Variants in BAG1 observed in about 807,000 individuals in gnomAD.
BAG1 encodes BAG family molecular chaperone regulator 1.
Under a neutral mutation model 35.5 loss-of-function variants are expected in BAG1, and 35 were observed. The ratio of observed to expected loss-of-function variants is 0.99; its 90% CI spans 0.75 to 1.31. BAG1 has a LOEUF of 1.31. Ranked by LOEUF, BAG1 falls within the 50% of genes most tolerant of loss-of-function variation. The pLI, the probability that BAG1 is intolerant of heterozygous loss-of-function variation, is 0.00. For synonymous variants in BAG1, 191 were observed against 178.9 expected, an observed-to-expected ratio of 1.07 and a Z score of -0.54; for missense variants, 464 against 453.6, an observed-to-expected ratio of 1.02 and a Z score of -0.21.
intron 3 of BAG1, chr9:33,259,318 C>T (rs536398306): frequency 3.2e-4 from 66 of 207,998 alleles, no homozygotes; most frequent in Non-Finnish European, 5.3e-4. Flanking sequence ...GAGCTGAGAT[C>T]GTGCACCTGT....
At position 33,253,565 on chromosome 9, in the gene BAG1, G is replaced by C. The variant is rs570203808; in HGVS notation, c.*1654C>G. On this transcript the variant is annotated 3_prime_UTR_variant, in exon 7 of 7. Coordinates refer to ENST00000634734, the MANE Select transcript of BAG1 (RefSeq NM_004323.6). Reference sequence around the variant, plus strand: ...GTTGGGGTGCGGTGGGCTGGGACCCGAGCCTTGTCCACAAGTCTACCTCTA... The same window carrying C: ...GTTGGGGTGCGGTGGGCTGGGACCCCAGCCTTGTCCACAAGTCTACCTCTA... The C allele has an allele frequency of 3.9e-5, 6 of 152,184 alleles. No homozygotes were observed. The South Asian group carries it at 1.2e-3, about 32-fold the overall frequency. The allele number at this position is 152,184 out of a possible 1,614,324, so 9.4% of individuals were successfully genotyped here.
chr9:33,261,049 T>C (rs748402691), intron 3 of BAG1, 38 bp downstream of exon 3: 1 of 1,546,204 alleles, frequency 6.5e-7, no homozygotes, highest in Non-Finnish European at 8.8e-7. Context: ...ACTTCAGTCA[T>C]TTGATTCTGA....
intron 3 of BAG1, among the ~76,000 whole-genome samples, chr9:33,260,886 A>C (rs1353253258): frequency 1.3e-5 from 2 of 152,224 alleles, no homozygotes; most frequent in African/African-American, 2.4e-5. Context: ...TCCTAGAGCA[A>C]AAGTTCTAAC....
chr9:33,262,721 A>G lies in BAG1; in HGVS notation c.561T>C (p.Phe187=). The change falls in exon 2 of 7, where the codon TTT becomes TTC. Residue 187 remains phenylalanine, a synonymous_variant. Coordinates refer to ENST00000634734, the MANE Select transcript of BAG1 (RefSeq NM_004323.6). ...GCTTACCCTTAAATATGAGTTTCTG[A>G]AAAGACTGTGGAACCCCTATGACCT... The G allele has an allele frequency of 6.2e-7, 1 of 1,604,316 alleles. No individual in the cohort carries two copies. Among genetic ancestry groups the G allele is most frequent in the Non-Finnish European group, 8.5e-7 (1 of 1,177,066 alleles).
At position 33,258,599 on chromosome 9, in the gene BAG1, C is replaced by T. The variant is rs577489204; in HGVS notation, c.777+321G>A. Among the ~76,000 whole-genome samples the T allele has an allele frequency of 5.9e-5, 9 of 152,332 alleles. No individual in the cohort carries two copies. The East Asian group carries it at 1.2e-3, about 20-fold the overall frequency. Reference sequence around the variant, plus strand: ...ATACATGATCCTAGCAAGGCAGGTGCTCTCCTGTGAGCATAAATGGATGCT... The same window carrying T: ...ATACATGATCCTAGCAAGGCAGGTGTTCTCCTGTGAGCATAAATGGATGCT... On this transcript the variant is annotated intron_variant, in intron 4 of 6. Transcript: ENST00000634734.
rs915211698 is a variant in BAG1, at chr9:33,253,191, G to T, written c.*2028C>A. 2.0e-5 allele frequency: 3 copies of T among 152,184 alleles called. No homozygotes were observed. Among genetic ancestry groups the T allele is most frequent in the African/African-American group, 7.2e-5 (3 of 41,390 alleles). The allele number at this position is 152,184 out of a possible 1,614,324, so 9.4% of individuals were successfully genotyped here. A position where few individuals can be genotyped will look rare whatever the true frequency, so the allele number is the denominator to read the frequency against. On this transcript the variant is annotated 3_prime_UTR_variant, in exon 7 of 7. Coordinates refer to ENST00000634734, the MANE Select transcript of BAG1 (RefSeq NM_004323.6). The stretch of plus-strand genomic sequence containing the variant: ...CTAGAGGGAGAGGCAGAGGACAAGA[G>T]GAAAAAAATCAGAGAATGGGCCTGT...
intron 6 of BAG1, 55 bp downstream of exon 6, chr9:33,255,809 AC>A (rs1405004937): frequency 4.5e-6 from 7 of 1,548,920 alleles, no homozygotes; most frequent in Non-Finnish European, 6.2e-6. Flanking sequence ...ACAGATAAAC[AC>A]ACATACCTAC....
At chr9:33,261,670 A>C (rs968422268) in intron 2 of BAG1, among the ~76,000 whole-genome samples, 6 of 152,114 alleles carry the variant, frequency 3.9e-5, no homozygotes, top group Admixed American at 1.3e-4. Flanking sequence ...AAATATTTTT[A>C]AAAATTAAAG....
chr9:33,256,230 C>G (rs1368697286), intron 5 of BAG1, among the ~76,000 whole-genome samples: 1 of 152,162 alleles, frequency 6.6e-6, no homozygotes, highest in East Asian at 1.9e-4. Flanking sequence ...GATACTCTGC[C>G]CTGGCCACAC....
At chr9:33,262,206 T>A in intron 2 of BAG1, 1 of 1,289,144 alleles carries the variant, frequency 7.8e-7, no homozygotes, top group Non-Finnish European at 1.0e-6. Flanking sequence ...TTTGAGAGTG[T>A]CCAATACCTA....
chr9:33,264,311 C>T lies in BAG1; in HGVS notation c.364G>A (p.Val122Met), dbSNP rs780849402. The change falls in exon 1 of 7, where the codon GTG becomes ATG. Residue 122 changes from valine to methionine, a missense_variant. Val to Met is a conservative substitution (Grantham distance 21, BLOSUM62 1). Coordinates refer to ENST00000634734, the MANE Select transcript of BAG1 (RefSeq NM_004323.6). ...CGGGTCGACTCCTCGTCCCGGGTCA[C>T]CTCCTGGCTCCGATTCATCTCTTCG... 4 of 1,613,044 alleles carry T rather than the reference C, an allele frequency of 2.5e-6. No individual in the cohort carries two copies. In the South Asian group the frequency reaches 3.3e-5, roughly 13 times the overall value.
intron 6 of BAG1, 82 bp downstream of exon 6, chr9:33,255,783 C>T: frequency 6.7e-7 from 1 of 1,483,028 alleles, no homozygotes; most frequent in Non-Finnish European, 9.4e-7. Flanking sequence ...CACGCTCCTA[C>T]ACTACCTGAT....
At position 33,256,815 on chromosome 9, in the gene BAG1, C is replaced by T; in HGVS notation, c.871G>A (p.Glu291Lys). 1 of 1,613,784 alleles carries T rather than the reference C, an allele frequency of 6.2e-7. No individual in the cohort carries two copies. The highest frequency in any genetic ancestry group is 8.5e-7 in the Non-Finnish European group (1 of 1,179,728). The change falls in exon 5 of 7, where the codon GAG becomes AAG. Residue 291 changes from glutamate to lysine, a missense_variant. Physicochemically the swap from Glu to Lys is moderately conservative, Grantham distance 56 (BLOSUM62 1). Coordinates refer to ENST00000634734, the MANE Select transcript of BAG1 (RefSeq NM_004323.6). ...TATTTACTTACCAGTGTGTCAATCT[C>T]CTCCAAGATCTTCATAAACTGCTCT...
chr9:33,257,186 A>G lies in BAG1; in HGVS notation c.778-278T>C, dbSNP rs896342116. 56 of 396,586 alleles carry G rather than the reference A, an allele frequency of 1.4e-4. No homozygotes were observed. In the Middle Eastern group the frequency reaches 2.1e-3, roughly 15 times the overall value. The allele number at this position is 396,586 out of a possible 1,614,324, so 24.6% of individuals were successfully genotyped here. A position where few individuals can be genotyped will look rare whatever the true frequency, so the allele number is the denominator to read the frequency against. On this transcript the variant is annotated intron_variant, in intron 4 of 6. Transcript: ENST00000634734. ...TCCAGTGAAGCCCCCAGTCACAAGA[A>G]GAGGCAGATGTTAAAAGCACAGGTT...
At chr9:33,256,534 T>C (rs992251552) in intron 5 of BAG1, among the ~76,000 whole-genome samples, 12 of 152,230 alleles carry the variant, frequency 7.9e-5, no homozygotes, top group African/African-American at 2.9e-4. Flanking sequence ...CCCAGCTTCA[T>C]GACGATTACA....
rs1465422051 is a variant in BAG1, at chr9:33,255,097, G to A, written c.*122C>T. 1.9e-6 allele frequency: 3 copies of A among 1,605,534 alleles called. No individual in the cohort carries two copies. The highest frequency in any genetic ancestry group is 2.6e-6 in the Non-Finnish European group (3 of 1,175,412). ...TCATTGAGAACCAGTGTGAGAGTAG[G>A]AAAATTGGCAAATGGCCAGTTGCCC... is the stretch of plus-strand genomic sequence containing the variant. On this transcript the variant is annotated 3_prime_UTR_variant, in exon 7 of 7. Transcript: ENST00000634734.
chr9:33,255,867 G>T lies in BAG1; in HGVS notation c.946C>A (p.Gln316Lys). 6.2e-7 allele frequency: 1 copy of T among 1,613,528 alleles called. No individual in the cohort carries two copies. The highest frequency in any genetic ancestry group is 1.1e-5 in the South Asian group (1 of 91,054). The change falls in exon 6 of 7, where the codon CAG (glutamine) becomes AAG (lysine). Residue 316 changes from glutamine to lysine, a missense_variant and splice_region_variant. Physicochemically the swap from Gln to Lys is moderately conservative, Grantham distance 53 (BLOSUM62 1). Coordinates refer to ENST00000634734, the MANE Select transcript of BAG1 (RefSeq NM_004323.6). ...TCGTGCACTATTACACAACTCACCT[G>T]AACCTTTTTTACCAAGCCTTTCCTT...
chr9:33,264,541 C>A lies in BAG1; in HGVS notation c.134G>T (p.Gly45Val). The change falls in exon 1 of 7, where the codon GGG becomes GTG. Residue 45 changes from glycine to valine, a missense_variant. Coordinates refer to ENST00000634734, the MANE Select transcript of BAG1 (RefSeq NM_004323.6). The stretch of plus-strand genomic sequence containing the variant: ...GGCAGTACTCCGGGCAGGTGGACGC[C>A]CAGAGGGAGGCGGACCACGCTGGGC... The A allele has an allele frequency of 6.5e-7, 1 of 1,542,056 alleles. No individual in the cohort carries two copies. The highest frequency in any genetic ancestry group is 8.7e-7 in the Non-Finnish European group (1 of 1,149,780).
Position 33,256,854 on chromosome 9 carries a change from C to T in BAG1, c.832G>A (p.Val278Ile). ...ATAAACTGCTCTATTGTGGCTTTTA[C>T]TCTCCTATCAAGTTTGCAGAGAGCT... The change falls in exon 5 of 7, where the codon GTA becomes ATA. Residue 278 changes from valine to isoleucine, a missense_variant. Coordinates refer to ENST00000634734, the MANE Select transcript of BAG1 (RefSeq NM_004323.6). The T allele has an allele frequency of 6.2e-7, 1 of 1,614,204 alleles. No homozygotes were observed. The highest frequency in any genetic ancestry group is 8.5e-7 in the Non-Finnish European group (1 of 1,180,038).
Sources: allele counts gnomAD v4.1 joint callset (sites outside exome capture counted in the v4.1 genomes callset), GRCh38; gene constraint gnomAD v4.1.1; transcripts MANE v1.5; gene names NCBI Gene and HGNC (gene_info 2026-07-23, HGNC 2026-07-21).